The following COL20A1 variants were observed in gnomAD, a reference collection of about 807,000 sequenced individuals.
The protein encoded by COL20A1 is collagen alpha-1(XX) chain.
In COL20A1, 164 loss-of-function variants were observed where a neutral mutation model predicts 152.9. The observed-to-expected ratio is 1.07, with a 90% confidence interval of 0.94 to 1.22. The LOEUF (loss-of-function observed/expected upper bound fraction) is 1.22, where lower values mean the gene tolerates loss of function less well. COL20A1 is among the 50% of genes most tolerant of loss of function. The pLI is 0.00. For missense variants in COL20A1, 1,873 were observed against 1,744.8 expected, an observed-to-expected ratio of 1.07 and a Z score of -1.31; for synonymous variants, 864 against 756.0, an observed-to-expected ratio of 1.14 and a Z score of -2.34.
At chr20:63,324,658 C>T (rs1468225502) in intron 27 of COL20A1, 5 of 152,546 alleles carry the variant, frequency 3.3e-5, no homozygotes, top group African/African-American at 1.2e-4. Flanking sequence ...TCGCTGAATT[C>T]TCGTTATCCA....
At chr20:63,295,265 C>G in intron 2 of COL20A1, 76 bp downstream of exon 2, 1 of 948,716 alleles carries the variant, frequency 1.1e-6, no homozygotes, top group South Asian at 1.5e-5. Flanking sequence ...GGGACGAGCC[C>G]TCCGCCCCTG....
rs1371032400 is a variant in COL20A1 at position 63,320,047 on chromosome 20, G to A, written c.2925G>A (p.Val975=). The change falls in exon 24 of 36, where the codon GTG becomes GTA. Residue 975 remains valine, a synonymous_variant. Transcript: ENST00000358894. ...IFFGSFHKVH[V]AVGRSKVRLY... The stretch of plus-strand genomic sequence containing the variant: ...CCCGTGCCGTCTCACAGGTGCACGT[G>A]GCTGTGGGCCGCTCCAAGGTCAGGC... The A allele has an allele frequency of 1.9e-6, 3 of 1,553,926 alleles. No homozygotes were observed. The highest frequency in any genetic ancestry group is 1.2e-5 in the South Asian group (1 of 84,334).
At chr20:63,329,899 G>A (rs1601447856) in intron 35 of COL20A1, among the ~76,000 whole-genome samples, 1 of 152,200 alleles carries the variant, frequency 6.6e-6, no homozygotes, top group African/African-American at 2.4e-5. Flanking sequence ...GTCACAGGAC[G>A]TGGGGTTCCG....
intron 15 of COL20A1, 105 bp from the exon 16 acceptor site, chr20:63,312,687 G>C: frequency 6.8e-7 from 1 of 1,461,138 alleles, no homozygotes; most frequent in Non-Finnish European, 9.2e-7. Context: ...ACCCGGACGG[G>C]TGTGATGGAT....
intron 27 of COL20A1, chr20:63,325,153 G>A: frequency 3.4e-6 from 2 of 580,242 alleles, no homozygotes. Context: ...GTGTCTCCAT[G>A]TCGGTCTGGG....
Position 63,310,498 on chromosome 20 carries a change from C to T in COL20A1, c.1381C>T (p.Leu461=), listed in dbSNP as rs557460661. ...CGGGGTTGGCGAAGGCCTGCGGGGC[C>T]TGGTGACCACAGGTAGGTGGGGCAG... is the stretch of plus-strand genomic sequence containing the variant. ...EGGVGEGLRG[L]VTTAPLPPPR... Residue 461 remains leucine, a synonymous_variant, in exon 11 of 36, where the codon CTG becomes TTG. Transcript: ENST00000358894. The T allele has an allele frequency of 2.5e-6, 4 of 1,599,370 alleles. No individual in the cohort carries two copies. The East Asian group carries it at 6.8e-5, about 27-fold the overall frequency.
chr20:63,327,899 G>T (rs969828595), intron 31 of COL20A1, 53 bp from the exon 32 acceptor site: 3 of 1,543,888 alleles, frequency 1.9e-6, no homozygotes, highest in East Asian at 2.4e-5. Context: ...CACTTGTCAC[G>T]TGTGGTCTCA....
rs2068366300 is a variant in COL20A1, at chr20:63,334,172, C to G, written c.*3456C>G. 1 of 152,342 alleles carries G rather than the reference C, an allele frequency of 6.6e-6. No individual in the cohort carries two copies. The highest frequency in any genetic ancestry group is 1.9e-4 in the East Asian group (1 of 5,188). The allele number at this position is 152,342 out of a possible 1,614,324, so 9.4% of individuals were successfully genotyped here. ...TTACATTCCAAAGGATCCTGCTGTT[C>G]AGAACTCACTCACTCACTGATGAAA... On this transcript the variant is annotated 3_prime_UTR_variant, in exon 36 of 36. Transcript: ENST00000358894.
intron 21 of COL20A1, among the ~76,000 whole-genome samples, chr20:63,317,778 A>G (rs2068104129): frequency 6.7e-6 from 1 of 149,284 alleles, no homozygotes; most frequent in Non-Finnish European, 1.5e-5. Context: ...GTTTCTCTTC[A>G]GGGTGGTATA....
intron 5 of COL20A1, 108 bp from the exon 6 acceptor site, chr20:63,307,382 G>A (rs1354256231): frequency 2.8e-6 from 3 of 1,089,360 alleles, no homozygotes; most frequent in East Asian, 5.1e-5. Context: ...CCTGAAACCT[G>A]GCCCAGCCTG....
Position 63,322,025 on chromosome 20 carries a change from TCTGGGGGCTTAGCC to T in COL20A1, c.3241-29_3241-16del. On this transcript the variant is annotated intron_variant, in intron 26 of 35. Transcript: ENST00000358894. ...TGCTCCTCTACCTTGGTTGGGTAGTTCTGGGGGCTTAGCCCTGTTTGTGCCTCTGCAGGGCCTCC... is the reference window on the plus strand; with the variant it reads ...TGCTCCTCTACCTTGGTTGGGTAGTTCTGTTTGTGCCTCTGCAGGGCCTCC... The T allele has an allele frequency of 6.6e-7, 1 of 1,509,096 alleles. No individual in the cohort carries two copies. The highest frequency in any genetic ancestry group is 2.6e-5 in the East Asian group (1 of 37,862). 93.5% of individuals were successfully genotyped at this position (1,509,096 alleles called of 1,614,324 possible). A position where few individuals can be genotyped will look rare whatever the true frequency, so the allele number is the denominator to read the frequency against.
chr20:63,296,717 T>C (rs1377006349), intron 2 of COL20A1, among the ~76,000 whole-genome samples: 1 of 152,174 alleles, frequency 6.6e-6, no homozygotes, highest in Non-Finnish European at 1.5e-5. Flanking sequence ...GGGGCCCTGC[T>C]CACAGCTGGC....
chr20:63,329,531 G>C (rs911603678), intron 34 of COL20A1, 54 bp from the exon 35 acceptor site: 3 of 1,430,178 alleles, frequency 2.1e-6, no homozygotes, highest in African/African-American at 1.4e-5. Flanking sequence ...CGTCAGAACA[G>C]GGCCCCAAGC....
In COL20A1 at chr20:63,314,054, C is replaced by CA; in HGVS notation, c.2359-17dup. The stretch of plus-strand genomic sequence containing the variant: ...AGTTGCCCAGGAAGTGGGGACCAGG[C>CA]ACCCTCCCTTCTCCTAGGTCTCTGT... On this transcript the variant is annotated splice_polypyrimidine_tract_variant and intron_variant, in intron 18 of 35. Transcript: ENST00000358894. 6.2e-7 allele frequency: 1 copy of CA among 1,612,522 alleles called. No homozygotes were observed. The highest frequency in any genetic ancestry group is 8.5e-7 in the Non-Finnish European group (1 of 1,179,724).
At chr20:63,304,960 G>C (rs541213699) in intron 3 of COL20A1, among the ~76,000 whole-genome samples, 1 of 152,296 alleles carries the variant, frequency 6.6e-6, no homozygotes, top group Non-Finnish European at 1.5e-5. Context: ...CCTAACTTTA[G>C]AATCATGGAG....
chr20:63,303,474 A>C (rs763528931), intron 3 of COL20A1, among the ~76,000 whole-genome samples: 1 of 152,208 alleles, frequency 6.6e-6, no homozygotes, highest in Non-Finnish European at 1.5e-5. Context: ...TCCCACTTCT[A>C]CTGCGGAGTA....
chr20:63,320,395 C>A, intron 25 of COL20A1, 27 bp downstream of exon 25: 1 of 1,607,394 alleles, frequency 6.2e-7, no homozygotes. Flanking sequence ...GCCCCTGTTC[C>A]ACGAAGCAAG....
rs2068104282 is a variant in COL20A1 at position 63,317,788 on chromosome 20, A to G, written c.2663+1097A>G. Reference sequence around the variant, plus strand: ...TGGCAGTTTCTCTTCAGGGTGGTATAGTTGCCCTCTGCCCTCCTCTCTGGG... The same window carrying G: ...TGGCAGTTTCTCTTCAGGGTGGTATGGTTGCCCTCTGCCCTCCTCTCTGGG... On this transcript the variant is annotated intron_variant, in intron 21 of 35. Transcript: ENST00000358894. Among the ~76,000 whole-genome samples the G allele has an allele frequency of 2.0e-5, 3 of 150,986 alleles. No homozygotes were observed. The South Asian group carries it at 6.3e-4, about 32-fold the overall frequency.
At position 63,331,710 on chromosome 20, in the gene COL20A1, T is replaced by A. The variant is rs2123444670; in HGVS notation, c.*994T>A. The A allele has an allele frequency of 6.6e-6, 1 of 152,306 alleles. No homozygotes were observed. Among genetic ancestry groups the A allele is most frequent in the Middle Eastern group, 3.4e-3 (1 of 294 alleles). The allele number at this position is 152,306 out of a possible 1,614,324, so 9.4% of individuals were successfully genotyped here. A position where few individuals can be genotyped will look rare whatever the true frequency, so the allele number is the denominator to read the frequency against. Reference sequence around the variant, plus strand: ...AACAAATATTCAGTAACTAGTCCACTGTTACCACTTAGGCAGCTAAGCAAG... The same window carrying A: ...AACAAATATTCAGTAACTAGTCCACAGTTACCACTTAGGCAGCTAAGCAAG... On this transcript the variant is annotated 3_prime_UTR_variant, in exon 36 of 36. Transcript: ENST00000358894.
Sources: allele counts gnomAD v4.1 joint callset (sites outside exome capture counted in the v4.1 genomes callset), GRCh38; gene constraint gnomAD v4.1.1; transcripts MANE v1.5; gene names NCBI Gene and HGNC (gene_info 2026-07-23, HGNC 2026-07-21).